Variants in SLC16A6 observed in about 807,000 individuals in gnomAD.
SLC16A6 encodes solute carrier family 16 member 6, also known as monocarboxylate transporter 7.
Under a neutral mutation model 33.8 loss-of-function variants are expected in SLC16A6, and 15 were observed. That is an observed-to-expected ratio of 0.44 (90% CI 0.30 to 0.68). SLC16A6 has a LOEUF of 0.68. SLC16A6 is among the 30% of genes least tolerant of loss of function. SLC16A6 has a pLI of 0.10. For missense variants in SLC16A6, 451 were observed against 661.5 expected (o/e 0.68, Z 3.49); for synonymous variants, 219 against 248.4 (o/e 0.88, Z 1.11).
At chr17:68,287,438 G>T (rs1415943894) in intron 1 of SLC16A6, among the ~76,000 whole-genome samples, 1 of 151,902 alleles carries the variant, frequency 6.6e-6, no homozygotes, top group Non-Finnish European at 1.5e-5. Context: ...AGTATTAAAC[G>T]TGTGAGCCAC....
intron 2 of SLC16A6, among the ~76,000 whole-genome samples, chr17:68,277,742 G>A (rs560573493): frequency 6.6e-6 from 1 of 152,270 alleles, no homozygotes; most frequent in African/African-American, 2.4e-5. Flanking sequence ...ACTTTTTGAT[G>A]TTGCTTCTTA....
chr17:68,286,669 T>C (rs1455418315), intron 1 of SLC16A6, among the ~76,000 whole-genome samples: 2 of 151,914 alleles, frequency 1.3e-5, no homozygotes, highest in Admixed American at 1.3e-4. Context: ...CATGCCCGGT[T>C]GATTTTTGTA....
intron 1 of SLC16A6, among the ~76,000 whole-genome samples, chr17:68,282,779 T>TAAAAAA (rs36155626): frequency 0.039 from 2,088 of 53,260 alleles, 155 homozygotes; most frequent in Non-Finnish European, 0.055. Context: ...CCATCTCTAC[T>TAAAAAA]AAAAAAAAAA....
intron 1 of SLC16A6, among the ~76,000 whole-genome samples, chr17:68,290,284 G>A (rs1178452544): frequency 1.3e-5 from 2 of 152,154 alleles, no homozygotes; most frequent in Non-Finnish European, 2.9e-5. Context: ...TTTTATATAC[G>A]CCACCTAACA....
chr17:68,278,401 A>C, intron 1 of SLC16A6, 74 bp from the exon 2 acceptor site: 1 of 889,948 alleles, frequency 1.1e-6, no homozygotes, highest in Non-Finnish European at 1.8e-6. Context: ...TCTTAAGCAA[A>C]CAACAGATAA....
Position 68,268,768 on chromosome 17 carries a change from TC to T in SLC16A6, c.*327del, listed in dbSNP as rs1362946569. 1 of 271,300 alleles carries T rather than the reference TC, an allele frequency of 3.7e-6. No individual in the cohort carries two copies. Among genetic ancestry groups the T allele is most frequent in the African/African-American group, 2.2e-5 (1 of 45,280 alleles). 16.8% of individuals were successfully genotyped at this position (271,300 alleles called of 1,614,324 possible). A position where few individuals can be genotyped will look rare whatever the true frequency, so the allele number is the denominator to read the frequency against. ...AAGCTTTTAAAACCACTTTGCCAGT[TC>T]ATGTCACTATTTTAATATCGGAATG... On this transcript the variant is annotated 3_prime_UTR_variant, in exon 6 of 6. Transcript: ENST00000580666.
intron 1 of SLC16A6, among the ~76,000 whole-genome samples, chr17:68,281,499 T>C (rs7213778): frequency 0.5 from 76,088 of 151,688 alleles, 21,311 homozygotes; most frequent in African/African-American, 0.76. Flanking sequence ...CACTTGAACC[T>C]GGGAGGTGGA....
chr17:68,276,250 C>CA (rs1307290927), intron 2 of SLC16A6, among the ~76,000 whole-genome samples: 2 of 151,430 alleles, frequency 1.3e-5, no homozygotes, highest in African/African-American at 4.9e-5. Flanking sequence ...CCCACCACCA[C>CA]ACCCGGCTAA....
chr17:68,280,496 C>T (rs1412390673), intron 1 of SLC16A6, among the ~76,000 whole-genome samples: 1 of 152,276 alleles, frequency 6.6e-6, no homozygotes, highest in East Asian at 1.9e-4. Context: ...CATGTCTACA[C>T]CCAACTGATT....
chr17:68,289,846 G>A (rs1184401509), intron 1 of SLC16A6, among the ~76,000 whole-genome samples: 1 of 152,108 alleles, frequency 6.6e-6, no homozygotes, highest in East Asian at 1.9e-4. Flanking sequence ...CATTACACTG[G>A]AAGGAGCTTT....
chr17:68,273,958 A>G lies in SLC16A6; in HGVS notation c.345T>C (p.Ser115=), dbSNP rs1316820610. 3 of 1,614,068 alleles carry G rather than the reference A, an allele frequency of 1.9e-6. No homozygotes were observed. The highest frequency in any genetic ancestry group is 2.5e-6 in the Non-Finnish European group (3 of 1,180,020). ...TGATGCCGATGGCGACGTACATATG[A>G]GAAACCTCTTGTGAGAAGGAGGCGG... is the stretch of plus-strand genomic sequence containing the variant. ...MVAASFSQEV[S]HMYVAIGIIS... is the part of the protein sequence containing the mutation. The change falls in exon 3 of 6, where the codon TCT becomes TCC. Residue 115 remains serine, a synonymous_variant. Coordinates refer to ENST00000580666, the MANE Select transcript of SLC16A6 (RefSeq NM_004694.5).
At chr17:68,278,569 G>C (rs2075596887) in intron 1 of SLC16A6, among the ~76,000 whole-genome samples, 1 of 151,750 alleles carries the variant, frequency 6.6e-6, no homozygotes, top group Non-Finnish European at 1.5e-5. Flanking sequence ...CAAGTAGCTG[G>C]GACTACAGGC....
Position 68,283,041 on chromosome 17 carries a change from G to C in SLC16A6, c.-7-4714C>G, listed in dbSNP as rs527259081. ...GGTGGCTGAGGTGGGAGGATTGCTT[G>C]AGTTGAGGCTGGAAGCTTGAGGCGG... On this transcript the variant is annotated intron_variant, in intron 1 of 5. Transcript: ENST00000580666. 2.0e-5 allele frequency: 3 copies of C among 152,302 alleles called. No individual in the cohort carries two copies. In the East Asian group the frequency reaches 5.8e-4, roughly 29 times the overall value. 9.4% of individuals were successfully genotyped at this position (152,302 alleles called of 1,614,324 possible).
rs1339858994 is a variant in SLC16A6, at chr17:68,286,886, T to C, written c.-8+4200A>G. Among the ~76,000 whole-genome samples the C allele has an allele frequency of 4.6e-5, 7 of 152,340 alleles. No homozygotes were observed. In the South Asian group the frequency reaches 1.2e-3, roughly 27 times the overall value. On this transcript the variant is annotated intron_variant, in intron 1 of 5. Coordinates refer to ENST00000580666, the MANE Select transcript of SLC16A6 (RefSeq NM_004694.5). Reference sequence around the variant, plus strand: ...CCAAGGAAACTGAGCTCGGAGAAAGTGTAAATGCTAGATGGTTCTTGCAAA... The same window carrying C: ...CCAAGGAAACTGAGCTCGGAGAAAGCGTAAATGCTAGATGGTTCTTGCAAA...
At chr17:68,278,693 C>T (rs1420403940) in intron 1 of SLC16A6, among the ~76,000 whole-genome samples, 2 of 146,112 alleles carry the variant, frequency 1.4e-5, no homozygotes, top group Non-Finnish European at 3.0e-5. Context: ...GATCTTGGCT[C>T]ACTGAAATCT....
chr17:68,288,911 CA>C (rs1555754976), intron 1 of SLC16A6, among the ~76,000 whole-genome samples: 2 of 152,174 alleles, frequency 1.3e-5, no homozygotes, highest in South Asian at 2.1e-4. Context: ...TTCCAACTTA[CA>C]AAACTCGACA....
intron 2 of SLC16A6, among the ~76,000 whole-genome samples, chr17:68,277,675 C>T (rs1209912756): frequency 6.6e-6 from 1 of 152,092 alleles, no homozygotes; most frequent in Non-Finnish European, 1.5e-5. Context: ...ACTGATCCAC[C>T]CACCTTGACC....
chr17:68,277,110 T>C (rs2075548060), intron 2 of SLC16A6, among the ~76,000 whole-genome samples: 1 of 152,226 alleles, frequency 6.6e-6, no homozygotes, highest in South Asian at 2.1e-4. Flanking sequence ...ATTATGAGAT[T>C]GGGGCCTGGT....
At chr17:68,284,861 G>A (rs782446036) in intron 1 of SLC16A6, among the ~76,000 whole-genome samples, 1 of 152,208 alleles carries the variant, frequency 6.6e-6, no homozygotes, top group Non-Finnish European at 1.5e-5. Context: ...GCATTTTGAT[G>A]TGTGTTGATA....
Sources: allele counts gnomAD v4.1 joint callset (sites outside exome capture counted in the v4.1 genomes callset), GRCh38; gene constraint gnomAD v4.1.1; transcripts MANE v1.5; gene names NCBI Gene and HGNC (gene_info 2026-07-23, HGNC 2026-07-21).